Variants in MERTK observed in about 807,000 individuals in gnomAD.
MERTK encodes MER proto-oncogene, tyrosine kinase.
Under a neutral mutation model 99.3 loss-of-function variants are expected in MERTK, and 69 were observed. The observed-to-expected ratio is 0.70, with a 90% CI of 0.57 to 0.85. The LOEUF (loss-of-function observed/expected upper bound fraction) is 0.85. Ranked by LOEUF, MERTK falls within the 40% of genes least tolerant of loss-of-function variation. MERTK has a pLI of 0.00. For missense variants in MERTK, 1,125 were observed against 1,249.4 expected (o/e 0.90, Z 1.50); for synonymous variants, 426 against 467.6 (o/e 0.91, Z 1.15).
intron 4 of MERTK, among the ~76,000 whole-genome samples, chr2:111,962,383 T>G (rs996948585): frequency 1.3e-5 from 2 of 152,152 alleles, no homozygotes; most frequent in African/African-American, 2.4e-5. Context: ...GGCAGGTGCC[T>G]GTAATCCCAA....
At chr2:111,909,674 T>C (rs556601820) in intron 1 of MERTK, among the ~76,000 whole-genome samples, 11 of 152,304 alleles carry the variant, frequency 7.2e-5, no homozygotes, top group South Asian at 2.1e-4. Flanking sequence ...TGTAGACATA[T>C]AGCTTAGAAG....
At chr2:111,912,843 A>G (rs1194664674) in intron 1 of MERTK, among the ~76,000 whole-genome samples, 1 of 152,164 alleles carries the variant, frequency 6.6e-6, no homozygotes, top group Non-Finnish European at 1.5e-5. Context: ...CCCAGGGCTC[A>G]GTAGCTGGGG....
At chr2:111,991,167 A>C (rs560666411) in intron 8 of MERTK, among the ~76,000 whole-genome samples, 1 of 152,192 alleles carries the variant, frequency 6.6e-6, no homozygotes, top group Non-Finnish European at 1.5e-5. Context: ...TCGCTCCCAA[A>C]TTAAACACAG....
intron 2 of MERTK, among the ~76,000 whole-genome samples, chr2:111,944,002 G>A (rs900407893): frequency 1.3e-5 from 2 of 151,938 alleles, no homozygotes; most frequent in Non-Finnish European, 2.9e-5. Context: ...GTCTACCATA[G>A]AAATCAAGAC....
chr2:111,974,491 T>C (rs1004602044), intron 6 of MERTK, among the ~76,000 whole-genome samples: 1 of 151,352 alleles, frequency 6.6e-6, no homozygotes, highest in Non-Finnish European at 1.5e-5. Flanking sequence ...TAAGAAACGC[T>C]GGGTGTGGTG....
chr2:111,976,316 C>T (rs976411574), intron 7 of MERTK, among the ~76,000 whole-genome samples: 4 of 152,026 alleles, frequency 2.6e-5, no homozygotes, highest in Non-Finnish European at 5.9e-5. Context: ...GGGTCAGGAC[C>T]CCCTTTGTAA....
intron 13 of MERTK, among the ~76,000 whole-genome samples, chr2:112,004,739 G>A (rs548781583): frequency 2.0e-5 from 3 of 152,130 alleles, no homozygotes; most frequent in African/African-American, 7.2e-5. Flanking sequence ...GTGAAACCCC[G>A]TCTCCACTAA....
intron 1 of MERTK, among the ~76,000 whole-genome samples, chr2:111,923,643 C>T (rs1400324): frequency 6.6e-6 from 1 of 152,038 alleles, no homozygotes; most frequent in African/African-American, 2.4e-5. Context: ...GTGGAGATTT[C>T]TTGTGAATTC....
At chr2:111,900,225 C>T (rs1038274629) in intron 1 of MERTK, among the ~76,000 whole-genome samples, 1 of 152,152 alleles carries the variant, frequency 6.6e-6, no homozygotes, top group South Asian at 2.1e-4. Context: ...AGCTCATTTA[C>T]TCAAATGAAA....
chr2:112,002,927 T>C (rs1676899135), intron 11 of MERTK, among the ~76,000 whole-genome samples, 165 bp from the exon 12 acceptor site: 3 of 152,148 alleles, frequency 2.0e-5, no homozygotes, highest in Admixed American at 2.0e-4. Flanking sequence ...GAGCCAAGGT[T>C]GCACCATTGC....
At chr2:111,960,998 T>G (rs1290639414) in intron 4 of MERTK, among the ~76,000 whole-genome samples, 1 of 151,588 alleles carries the variant, frequency 6.6e-6, no homozygotes, top group Non-Finnish European at 1.5e-5. Context: ...GTGTAATGGG[T>G]GTGAGAGAAA....
intron 14 of MERTK, chr2:112,008,939 G>A (rs1677041039): frequency 8.2e-6 from 2 of 244,264 alleles, no homozygotes; most frequent in South Asian, 1.0e-4. Flanking sequence ...ATGATTTCAT[G>A]GAATATGATT....
At chr2:111,952,036 A>G (rs1685067931) in intron 4 of MERTK, 1 of 152,172 alleles carries the variant, frequency 6.6e-6, no homozygotes, top group Admixed American at 6.5e-5. Flanking sequence ...CCAAGGCTGT[A>G]GTTTGTCTTA....
chr2:111,966,562 C>T (rs374086711), intron 5 of MERTK, among the ~76,000 whole-genome samples: 17 of 152,258 alleles, frequency 1.1e-4, no homozygotes, highest in African/African-American at 2.9e-4. Context: ...AGCACTTCTC[C>T]AATTTTATGC....
At chr2:112,003,543 A>T (rs927867952) in intron 12 of MERTK, 4 of 336,848 alleles carry the variant, frequency 1.2e-5, no homozygotes, top group Admixed American at 4.7e-5. Flanking sequence ...AAAAATGAAA[A>T]TACGTATTTA....
At chr2:111,969,886 T>C (rs1676057383) in intron 6 of MERTK, among the ~76,000 whole-genome samples, 1 of 151,734 alleles carries the variant, frequency 6.6e-6, no homozygotes. Context: ...AGAGACGGGG[T>C]TTCACCGTGT....
At chr2:112,023,294 G>A (rs1385132060) in intron 18 of MERTK, among the ~76,000 whole-genome samples, 5 of 152,140 alleles carry the variant, frequency 3.3e-5, no homozygotes, top group African/African-American at 9.6e-5. Context: ...GGCGCCTGTA[G>A]TCCCAGCTAC....
chr2:111,993,953 G>A lies in MERTK; in HGVS notation c.1297-298G>A, dbSNP rs527804094. 2.8e-3 allele frequency among the ~76,000 whole-genome samples: 423 copies of A among 152,310 alleles called. 1 individual carries two copies. The highest frequency in any genetic ancestry group is 4.2e-3 in the Admixed American group (64 of 15,306). On this transcript the variant is annotated intron_variant, in intron 8 of 18. Transcript: ENST00000295408. ...CTTGAGGAGTCAGGCTTGCTCTGCC[G>A]TCCGGGTGCATCTGCTACGTGCTCC...
intron 4 of MERTK, among the ~76,000 whole-genome samples, chr2:111,951,726 T>C (rs1016089468): frequency 2.0e-5 from 3 of 151,762 alleles, no homozygotes; most frequent in African/African-American, 7.3e-5. Context: ...ATGGTAGTTC[T>C]ATTTTTAATT....
Sources: gnomAD v4.1 joint callset for allele counts (sites outside exome capture counted in the v4.1 genomes callset) on GRCh38, gnomAD v4.1.1 for gene constraint, MANE v1.5 for transcripts, NCBI Gene and HGNC (gene_info 2026-07-23, HGNC 2026-07-21) for gene names.